Variants in EVL observed in about 807,000 individuals in gnomAD.
EVL encodes the protein ena/VASP-like protein.
EVL carries 21 observed loss-of-function variants against 59.6 expected under a neutral mutation model. That is an observed-to-expected ratio of 0.35 (90% CI 0.25 to 0.51). EVL has a LOEUF of 0.51. Ranked by LOEUF, EVL falls within the 20% of genes least tolerant of loss-of-function variation. EVL has a pLI of 0.97. For synonymous variants in EVL, 198 were observed against 203.5 expected (o/e 0.97, Z 0.23); for missense variants, 462 against 546.6 (o/e 0.85, Z 1.54).
At chr14:100,128,446 C>T (rs1888217506) in intron 5 of EVL, 73 bp from the exon 6 acceptor site, 1 of 1,500,380 alleles carries the variant, frequency 6.7e-7, no homozygotes, top group Non-Finnish European at 9.3e-7. Flanking sequence ...CTCCGGGGAA[C>T]CTGAGCTGAG....
intron 1 of EVL, among the ~76,000 whole-genome samples, chr14:100,017,572 T>C (rs1489435007): frequency 1.3e-5 from 2 of 152,242 alleles, no homozygotes; most frequent in African/African-American, 4.8e-5. Context: ...ATCAATATTA[T>C]TCTGGTTTTA....
chr14:99,993,024 T>G (rs576002781), intron 1 of EVL, among the ~76,000 whole-genome samples: 1 of 152,176 alleles, frequency 6.6e-6, no homozygotes, highest in African/African-American at 2.4e-5. Context: ...TGAGCCATTC[T>G]TGCATTCCAG....
Position 100,108,273 on chromosome 14 carries a change from T to C in EVL, c.358+10615T>C, listed in dbSNP as rs1164657798. Among the ~76,000 whole-genome samples, 2 of 152,062 alleles carry C rather than the reference T, an allele frequency of 1.3e-5. No homozygotes were observed. Among genetic ancestry groups the C allele is most frequent in the Admixed American group, 6.5e-5 (1 of 15,278 alleles). ...GTGGAAGGTTGTTAAACCTCATAGC[T>C]CTTGGAGGTGGGGCTGAATTTTGCT... On this transcript the variant is annotated intron_variant, in intron 3 of 13. Coordinates refer to ENST00000392920, the MANE Select transcript of EVL (RefSeq NM_016337.3). The surrounding 1 kb of genome is among the most constrained non-coding windows in gnomAD (Gnocchi z 4.1).
chr14:100,143,257 C>T (rs1418982557), intron 13 of EVL, among the ~76,000 whole-genome samples: 1 of 152,080 alleles, frequency 6.6e-6, no homozygotes, highest in Non-Finnish European at 1.5e-5. Context: ...TTCCTGCTGA[C>T]CCCTGCAGGA....
chr14:100,138,139 A>G, intron 11 of EVL: 1 of 410,966 alleles, frequency 2.4e-6, no homozygotes, highest in Non-Finnish European at 4.5e-6. Context: ...TCCCCCCACA[A>G]AGTGAGGTCT....
intron 1 of EVL, among the ~76,000 whole-genome samples, chr14:100,014,853 C>T (rs529157523): frequency 3.3e-5 from 5 of 152,128 alleles, no homozygotes; most frequent in Admixed American, 2.6e-4. Flanking sequence ...TTGAATTCCT[C>T]TTATTACCGC....
chr14:99,986,020 G>A (rs1378834039), intron 1 of EVL, among the ~76,000 whole-genome samples: 3 of 152,026 alleles, frequency 2.0e-5, no homozygotes, highest in Non-Finnish European at 4.4e-5. Context: ...GGCTGGGCAC[G>A]ATGGCTCATG....
At chr14:100,050,183 A>G (rs1404475795) in intron 1 of EVL, among the ~76,000 whole-genome samples, 1 of 152,170 alleles carries the variant, frequency 6.6e-6, no homozygotes, top group Non-Finnish European at 1.5e-5. Flanking sequence ...GGAAGAAAGG[A>G]GCGGGGAAAG....
intron 1 of EVL, chr14:99,974,892 G>C (rs1305873048): frequency 3.3e-5 from 5 of 152,388 alleles, no homozygotes; most frequent in Non-Finnish European, 5.9e-5. Context: ...CATTCGTGAG[G>C]GTTGCCCCCA....
rs866258630 is a variant in EVL, at chr14:100,105,675, A to C, written c.358+8017A>C. Among the ~76,000 whole-genome samples the C allele has an allele frequency of 2.6e-5, 4 of 151,650 alleles. No homozygotes were observed. The South Asian group carries it at 8.3e-4, about 32-fold the overall frequency. ...TTGGACCTTGGTTTCTTCGTCTGTG[A>C]AATGTAGGTGGTTATCCGTGGCATG... is the stretch of plus-strand genomic sequence containing the variant. On this transcript the variant is annotated intron_variant, in intron 3 of 13. Transcript: ENST00000392920.
chr14:100,050,951 T>G (rs2061638713), intron 1 of EVL, among the ~76,000 whole-genome samples: 1 of 150,682 alleles, frequency 6.6e-6, no homozygotes, highest in Admixed American at 6.6e-5. Flanking sequence ...TCTTACTGTG[T>G]TGCCCAGGCT....
At chr14:100,067,421 A>T (rs1224859485) in intron 1 of EVL, among the ~76,000 whole-genome samples, 1 of 152,206 alleles carries the variant, frequency 6.6e-6, no homozygotes, top group African/African-American at 2.4e-5. Context: ...ATGACAACGT[A>T]CAGAATGCTT....
intron 3 of EVL, among the ~76,000 whole-genome samples, chr14:100,102,693 G>A (rs1367472605): frequency 6.6e-6 from 1 of 152,072 alleles, no homozygotes; most frequent in Non-Finnish European, 1.5e-5. Context: ...TCCCATGCTG[G>A]CCCCTACCCA....
intron 1 of EVL, among the ~76,000 whole-genome samples, chr14:99,984,450 C>G (rs904635789): frequency 4.6e-5 from 7 of 152,212 alleles, no homozygotes; most frequent in Admixed American, 2.0e-4. Flanking sequence ...TGAATGAATG[C>G]TTTTCTTTCT....
intron 1 of EVL, among the ~76,000 whole-genome samples, chr14:99,996,419 T>G (rs746449688): frequency 5.9e-5 from 9 of 152,178 alleles, no homozygotes; most frequent in Admixed American, 2.6e-4. Flanking sequence ...GGGAACTAAT[T>G]TAATCCCTTT....
chr14:100,090,244 A>G (rs2062536525), intron 2 of EVL, among the ~76,000 whole-genome samples: 1 of 152,232 alleles, frequency 6.6e-6, no homozygotes, highest in African/African-American at 2.4e-5. Context: ...CAAATTGCCA[A>G]TATAATGAAT....
intron 9 of EVL, among the ~76,000 whole-genome samples, chr14:100,136,552 C>T (rs1162884051): frequency 2.0e-5 from 3 of 152,152 alleles, no homozygotes. Flanking sequence ...TTTGCAGCAC[C>T]TGCTCTGTGC....
chr14:100,011,115 T>A (rs2061014506), intron 1 of EVL, among the ~76,000 whole-genome samples: 2 of 152,254 alleles, frequency 1.3e-5, no homozygotes, highest in African/African-American at 4.8e-5. Context: ...AGAGAATTTT[T>A]TATTAACTAG....
rs753557503 is a variant in EVL at position 100,129,522 on chromosome 14, A to G, written c.718-41A>G. 3.1e-6 allele frequency: 5 copies of G among 1,611,228 alleles called. No homozygotes were observed. In the South Asian group the frequency reaches 3.3e-5, roughly 11 times the overall value. ...ACATCGTTGCTGCTCCTGTTCTGCC[A>G]TCAGCAGCAGAATCTAAAACGCGGC... On this transcript the variant is annotated intron_variant, in intron 6 of 13. Coordinates refer to ENST00000392920, the MANE Select transcript of EVL (RefSeq NM_016337.3).
Sources: allele counts gnomAD v4.1 joint callset (sites outside exome capture counted in the v4.1 genomes callset), GRCh38; gene constraint gnomAD v4.1.1; non-coding constraint Gnocchi (gnomAD v3.1); transcripts MANE v1.5; gene names NCBI Gene and HGNC (gene_info 2026-07-23, HGNC 2026-07-21).